PRKN: variants seen among roughly 807,000 people sequenced by gnomAD.
The protein encoded by PRKN is parkin RBR E3 ubiquitin protein ligase, also known as E3 ubiquitin-protein ligase parkin.
PRKN carries 56 observed loss-of-function variants against 59.5 expected under a neutral mutation model. That is an observed-to-expected ratio of 0.94 (90% CI 0.76 to 1.18). The LOEUF (loss-of-function observed/expected upper bound fraction) is 1.18. Among genes scored for constraint, PRKN ranks in the 50% most tolerant of loss-of-function variants. The pLI is 0.00. For missense variants in PRKN, 657 were observed against 596.4 expected, an observed-to-expected ratio of 1.10 and a Z score of -1.06; for synonymous variants, 250 against 222.1, an observed-to-expected ratio of 1.13 and a Z score of -1.12.
At chr6:161,380,624 C>A (rs1233003114) in intron 10 of PRKN, among the ~76,000 whole-genome samples, 1 of 151,960 alleles carries the variant, frequency 6.6e-6, no homozygotes, top group East Asian at 1.9e-4. Context: ...TACTGAGCAT[C>A]CTTCTTCTTC....
chr6:162,511,242 G>A (rs527949063), intron 1 of PRKN, among the ~76,000 whole-genome samples: 1 of 151,048 alleles, frequency 6.6e-6, no homozygotes, highest in African/African-American at 2.4e-5. Flanking sequence ...CCACTCTTTG[G>A]TATTACTTAC....
chr6:162,556,248 C>A (rs891817177), intron 1 of PRKN, among the ~76,000 whole-genome samples: 8 of 152,054 alleles, frequency 5.3e-5, no homozygotes, highest in Non-Finnish European at 1.0e-4. Flanking sequence ...ATTGTAAGCT[C>A]TCTGCGAAAT....
intron 7 of PRKN, among the ~76,000 whole-genome samples, chr6:161,756,048 T>C (rs912152579): frequency 2.6e-5 from 4 of 152,050 alleles, no homozygotes; most frequent in African/African-American, 9.7e-5. Context: ...TAATAAAAAA[T>C]AATGAGTCCG....
intron 9 of PRKN, among the ~76,000 whole-genome samples, chr6:161,511,544 T>C (rs370085235): frequency 1.4e-4 from 21 of 152,194 alleles, no homozygotes; most frequent in African/African-American, 4.6e-4. Context: ...TCCACAGCCA[T>C]ATCTGACACC....
At chr6:162,331,602 T>C (rs1783577010) in intron 2 of PRKN, among the ~76,000 whole-genome samples, 1 of 152,240 alleles carries the variant, frequency 6.6e-6, no homozygotes, top group Non-Finnish European at 1.5e-5. Context: ...GGACACCACC[T>C]AAATTGGTTT....
intron 6 of PRKN, among the ~76,000 whole-genome samples, chr6:161,791,440 C>A (rs1211664974): frequency 6.6e-6 from 1 of 152,184 alleles, no homozygotes; most frequent in Non-Finnish European, 1.5e-5. Flanking sequence ...GAAAAATGTG[C>A]AATTTACTCT....
intron 1 of PRKN, among the ~76,000 whole-genome samples, chr6:162,535,731 A>T (rs1174744573): frequency 1.3e-5 from 2 of 151,848 alleles, no homozygotes; most frequent in African/African-American, 4.8e-5. Flanking sequence ...AACATGGAGA[A>T]ACTCCCTTTT....
intron 1 of PRKN, among the ~76,000 whole-genome samples, chr6:162,625,698 ATGTG>A (rs750285926): frequency 2.4e-4 from 36 of 151,346 alleles, no homozygotes; most frequent in South Asian, 8.4e-4. Flanking sequence ...ATGTATATAT[ATGTG>A]TGTGTGTGTG....
At chr6:162,555,875 C>T (rs1485581661) in intron 1 of PRKN, among the ~76,000 whole-genome samples, 17 of 150,230 alleles carry the variant, frequency 1.1e-4, no homozygotes, top group Admixed American at 1.1e-3. Context: ...CCTGTAATCC[C>T]AGTTACTTGG....
chr6:161,644,071 G>A (rs868506204), intron 7 of PRKN, among the ~76,000 whole-genome samples: 1 of 152,148 alleles, frequency 6.6e-6, no homozygotes, highest in Non-Finnish European at 1.5e-5. Flanking sequence ...GCAGGAAGGA[G>A]AATCTTTCCT....
At chr6:162,318,731 A>C (rs1329861123) in intron 2 of PRKN, among the ~76,000 whole-genome samples, 1 of 151,952 alleles carries the variant, frequency 6.6e-6, no homozygotes, top group East Asian at 1.9e-4. Flanking sequence ...TATTGGCGTG[A>C]TTATGAAGAT....
At chr6:162,260,485 AC>A (rs1190624196) in intron 3 of PRKN, among the ~76,000 whole-genome samples, 1 of 152,164 alleles carries the variant, frequency 6.6e-6, no homozygotes, top group East Asian at 1.9e-4. Flanking sequence ...GGTACTTCAG[AC>A]CCTATATAGA....
At chr6:162,231,229 C>T (rs1778408531) in intron 3 of PRKN, among the ~76,000 whole-genome samples, 1 of 152,164 alleles carries the variant, frequency 6.6e-6, no homozygotes, top group African/African-American at 2.4e-5. Context: ...AGCCAACCCT[C>T]CTGATCACCC....
intron 6 of PRKN, among the ~76,000 whole-genome samples, chr6:161,972,140 G>A (rs1336425611): frequency 6.6e-6 from 1 of 152,010 alleles, no homozygotes; most frequent in Non-Finnish European, 1.5e-5. Flanking sequence ...CTGGTGTGGT[G>A]GCGCATGCCT....
chr6:161,895,302 G>A (rs773069593), intron 6 of PRKN, among the ~76,000 whole-genome samples: 5 of 152,126 alleles, frequency 3.3e-5, no homozygotes, highest in African/African-American at 4.8e-5. Flanking sequence ...GAGGAGACCT[G>A]AACGATTGGC....
rs1554244227 is a variant in PRKN, at chr6:161,897,984, A to AAAAAAAAAAAAT, written c.734+75317_734+75318insATTTTTTTTTTT. On this transcript the variant is annotated intron_variant, in intron 6 of 11. Coordinates refer to ENST00000366898, the MANE Select transcript of PRKN (RefSeq NM_004562.3). ...TCCGTCTCAAAAAAAAAAAAAAAAA[A>AAAAAAAAAAAAT]GTCTCCCAGTTGCATAGAAAAGGTT... Among the ~76,000 whole-genome samples, 3 of 117,664 alleles carry AAAAAAAAAAAAT rather than the reference A, an allele frequency of 2.5e-5. 1 individual carries two copies. Among genetic ancestry groups the AAAAAAAAAAAAT allele is most frequent in the African/African-American group, 1.2e-4 (3 of 24,020 alleles). 77.2% of individuals were successfully genotyped at this position (117,664 alleles called of 152,430 possible). A position where few individuals can be genotyped will look rare whatever the true frequency, so the allele number is the denominator to read the frequency against.
chr6:162,249,656 T>C lies in PRKN; in HGVS notation c.412+12869A>G, dbSNP rs192490981. ...AGGCTTTTAAAAGTCAAATCTAAGA[T>C]TCCTTAAAAAAAAATCTCAGGCAGA... is the stretch of plus-strand genomic sequence containing the variant. On this transcript the variant is annotated intron_variant, in intron 3 of 11. Transcript: ENST00000366898. 4.9e-3 allele frequency among the ~76,000 whole-genome samples: 739 copies of C among 151,660 alleles called. 4 individuals carry two copies. Among genetic ancestry groups the C allele is most frequent in the South Asian group, 0.017 (82 of 4,774 alleles).
At position 161,386,692 on chromosome 6, in the gene PRKN, T is replaced by C. The variant is rs1583004801; in HGVS notation, c.1167+102A>G. 2.1e-6 allele frequency: 2 copies of C among 934,480 alleles called. No homozygotes were observed. Among genetic ancestry groups the C allele is most frequent in the Non-Finnish European group, 1.8e-6 (1 of 562,066 alleles). The allele number at this position is 934,480 out of a possible 1,614,324, so 57.9% of individuals were successfully genotyped here. On this transcript the variant is annotated intron_variant, in intron 10 of 11. Transcript: ENST00000366898. The surrounding 1 kb of genome is among the most constrained non-coding windows in gnomAD (Gnocchi z 4.3). Reference sequence around the variant, plus strand: ...TGGCTGTCAGCTACCAGTCTGCTTCTTGCTTTTTTAGAATGGAACTCTCCA... The same window carrying C: ...TGGCTGTCAGCTACCAGTCTGCTTCCTGCTTTTTTAGAATGGAACTCTCCA...
chr6:162,399,643 T>A (rs1445907671), intron 2 of PRKN, among the ~76,000 whole-genome samples: 2 of 152,056 alleles, frequency 1.3e-5, no homozygotes, highest in Admixed American at 6.6e-5. Context: ...ATGTTGTTAC[T>A]CAACAGAACT....
Sources: allele counts gnomAD v4.1 joint callset (sites outside exome capture counted in the v4.1 genomes callset), GRCh38; gene constraint gnomAD v4.1.1; non-coding constraint Gnocchi (gnomAD v3.1); transcripts MANE v1.5; gene names NCBI Gene and HGNC (gene_info 2026-07-23, HGNC 2026-07-21).